ATE1: variants seen among roughly 807,000 people sequenced by gnomAD.
ATE1 encodes the protein arginyl-tRNA--protein transferase 1.
A neutral mutation model predicts 70.5 loss-of-function variants in ATE1; 36 were observed. The observed-to-expected ratio is 0.51, with a 90% CI of 0.39 to 0.67. ATE1 has a LOEUF of 0.67. Among genes scored for constraint, ATE1 ranks in the 30% least tolerant of loss-of-function variants. The pLI is 0.00. For missense variants in ATE1, 593 were observed against 629.5 expected (o/e 0.94, Z 0.62); for synonymous variants, 232 against 219.3 (o/e 1.06, Z -0.51).
chr10:121,912,745 C>CT lies in ATE1; in HGVS notation c.337+1044dup, dbSNP rs78920278. On this transcript the variant is annotated intron_variant, in intron 4 of 11. Transcript: ENST00000224652. ...ATTTTTCTAACTCAGAACCTAATTC[C>CT]TTTTTTTTTTTTTGGTGGAGACAGA... Among the ~76,000 whole-genome samples, 448 of 143,320 alleles carry CT rather than the reference C, an allele frequency of 3.1e-3. 2 individuals are homozygous for CT. Among genetic ancestry groups the CT allele is most frequent in the African/African-American group, 7.7e-3 (302 of 39,352 alleles). The allele number at this position is 143,320 out of a possible 152,430, so 94.0% of individuals were successfully genotyped here.
In ATE1 at chr10:121,858,445, A is replaced by AT. The variant is rs1328066013; in HGVS notation, c.975+11560dup. Among the ~76,000 whole-genome samples the AT allele has an allele frequency of 4.6e-5, 7 of 151,910 alleles. No individual in the cohort carries two copies. In the East Asian group the frequency reaches 9.7e-4, roughly 21 times the overall value. ...TCGTGATGCTGAACAAATGACAAAC[A>AT]TTTTTATATGTTTTGGTTTGGGTTG... is the stretch of plus-strand genomic sequence containing the variant. On this transcript the variant is annotated intron_variant, in intron 8 of 11. Coordinates refer to ENST00000224652, the MANE Select transcript of ATE1 (RefSeq NM_001001976.3).
rs769808653 is a variant in ATE1 at position 121,790,193 on chromosome 10, G to A, written c.1354C>T (p.Arg452Cys). The A allele has an allele frequency of 1.9e-6, 3 of 1,614,014 alleles. No individual in the cohort carries two copies. The highest frequency in any genetic ancestry group is 1.7e-5 in the Admixed American group (1 of 60,012). Reference protein sequence around the residue: ...LPSLENSKYCRFNQDPEAVDE... With the variant: ...LPSLENSKYCCFNQDPEAVDE... ...CCTGCTTCTGGGTCCTGGTTGAAAC[G>A]GCAGTACTTGGAGTTTTCAAGTGAA... The change falls in exon 11 of 12, where the codon CGT becomes TGT. Residue 452 changes from arginine to cysteine, a missense_variant. Coordinates refer to ENST00000224652, the MANE Select transcript of ATE1 (RefSeq NM_001001976.3).
At chr10:121,842,787 TG>T (rs527623984) in intron 8 of ATE1, among the ~76,000 whole-genome samples, 59 of 152,294 alleles carry the variant, frequency 3.9e-4, no homozygotes, top group Admixed American at 1.2e-3. Context: ...GAAACATTAC[TG>T]GCAAGACCCA....
intron 8 of ATE1, among the ~76,000 whole-genome samples, chr10:121,866,116 G>T (rs1261115537): frequency 6.6e-6 from 1 of 152,186 alleles, no homozygotes; most frequent in Non-Finnish European, 1.5e-5. Context: ...AACATTCAGA[G>T]ATTCCCAGCA....
At chr10:121,769,821 T>C (rs1292028852) in intron 11 of ATE1, among the ~76,000 whole-genome samples, 2 of 152,256 alleles carry the variant, frequency 1.3e-5, no homozygotes, top group African/African-American at 4.8e-5. Flanking sequence ...GGTATCACTA[T>C]ATACATTAGA....
rs777700019 is a variant in ATE1 at position 121,924,278 on chromosome 10, C to T, written c.158G>A (p.Arg53Gln). 3 of 1,614,014 alleles carry T rather than the reference C, an allele frequency of 1.9e-6. No homozygotes were observed. The highest frequency in any genetic ancestry group is 1.7e-6 in the Non-Finnish European group (2 of 1,179,882). The change falls in exon 2 of 12, where the codon CGA becomes CAA. Residue 53 changes from arginine (R) to glutamine (Q), a missense_variant. By Grantham distance (43) the Arg-to-Gln change is conservative. Coordinates refer to ENST00000224652, the MANE Select transcript of ATE1 (RefSeq NM_001001976.3). Reference sequence around the variant, plus strand: ...CTGGAAGCTTTACCTTCGCCATCCTCGGTCTATGAGATCCTGATAATCCTG... The same window carrying T: ...CTGGAAGCTTTACCTTCGCCATCCTTGGTCTATGAGATCCTGATAATCCTG... Reference protein sequence around the residue: ...TVQDYQDLIDRGWRRSGKYVY... With the variant: ...TVQDYQDLIDQGWRRSGKYVY...
At chr10:121,898,771 A>C (rs769797900) in intron 7 of ATE1, 2 of 1,551,728 alleles carry the variant, frequency 1.3e-6, no homozygotes, top group East Asian at 4.6e-5. Flanking sequence ...TCCACCTGAC[A>C]AGAAAATGGT....
chr10:121,819,206 A>G (rs1290107718), intron 10 of ATE1, among the ~76,000 whole-genome samples: 1 of 152,228 alleles, frequency 6.6e-6, no homozygotes, highest in Non-Finnish European at 1.5e-5. Context: ...TCATAAATCA[A>G]CGAATATCAT....
intron 11 of ATE1, among the ~76,000 whole-genome samples, chr10:121,780,868 A>G (rs546698575): frequency 4.5e-4 from 69 of 152,234 alleles, no homozygotes; most frequent in African/African-American, 1.7e-3. Flanking sequence ...CTTCTCCCAC[A>G]TGCTACTTGT....
intron 3 of ATE1, among the ~76,000 whole-genome samples, chr10:121,914,451 T>C (rs902755126): frequency 6.6e-6 from 1 of 150,602 alleles, no homozygotes; most frequent in Admixed American, 6.6e-5. Context: ...GGAAAACAGA[T>C]ATACAAAGCA....
intron 11 of ATE1, among the ~76,000 whole-genome samples, chr10:121,756,440 G>A (rs553531501): frequency 3.5e-4 from 53 of 152,260 alleles, no homozygotes; most frequent in African/African-American, 1.1e-3. Flanking sequence ...CCCACCCAGC[G>A]GTGTCCCAGT....
chr10:121,765,671 A>G (rs541612373), intron 11 of ATE1, among the ~76,000 whole-genome samples: 1 of 152,370 alleles, frequency 6.6e-6, no homozygotes, highest in South Asian at 2.1e-4. Context: ...CCAAACTGCC[A>G]CATTCATGTG....
chr10:121,765,136 T>C (rs1199069462), intron 11 of ATE1, among the ~76,000 whole-genome samples: 2 of 152,220 alleles, frequency 1.3e-5, no homozygotes. Context: ...AGGACACTGC[T>C]TACTGTGTTC....
chr10:121,829,717 A>AG (rs1351028120), intron 10 of ATE1, among the ~76,000 whole-genome samples: 4 of 152,012 alleles, frequency 2.6e-5, no homozygotes, highest in Non-Finnish European at 5.9e-5. Flanking sequence ...TCAAAAAAAA[A>AG]GAAAAAAAAA....
At chr10:121,870,114 A>G (rs374311564) in intron 7 of ATE1, 76 bp from the exon 8 acceptor site, 52 of 1,369,672 alleles carry the variant, frequency 3.8e-5, no homozygotes, top group African/African-American at 3.0e-4. Context: ...AAAAGAAAAA[A>G]TTATTATACA....
intron 8 of ATE1, among the ~76,000 whole-genome samples, chr10:121,854,776 T>C (rs150391600): frequency 2.2e-4 from 33 of 152,220 alleles, no homozygotes; most frequent in African/African-American, 7.9e-4. Context: ...CAGGCACAAA[T>C]AGAGCAGCCT....
At chr10:121,823,005 G>C (rs1475128149) in intron 10 of ATE1, among the ~76,000 whole-genome samples, 1 of 152,060 alleles carries the variant, frequency 6.6e-6, no homozygotes, top group East Asian at 1.9e-4. Context: ...AATGAGAAGA[G>C]GTCGGCCAGG....
chr10:121,873,251 TA>T (rs1173638307), intron 7 of ATE1, among the ~76,000 whole-genome samples: 1 of 152,136 alleles, frequency 6.6e-6, no homozygotes, highest in Admixed American at 6.5e-5. Flanking sequence ...GAATTTTTTT[TA>T]AAAAACTGAA....
At chr10:121,926,868 A>C (rs1292719959) in intron 1 of ATE1, 1 of 984,770 alleles carries the variant, frequency 1.0e-6, no homozygotes, top group African/African-American at 1.8e-5. Context: ...AGTCTTCATA[A>C]TCCTCACTTC....
Sources: allele counts gnomAD v4.1 joint callset (sites outside exome capture counted in the v4.1 genomes callset), GRCh38; gene constraint gnomAD v4.1.1; transcripts MANE v1.5; gene names NCBI Gene and HGNC (gene_info 2026-07-23, HGNC 2026-07-21).